BACE2: variants seen among roughly 807,000 people sequenced by gnomAD.
The protein encoded by BACE2 is 56 kDa aspartic-like protease.
BACE2 carries 17 observed loss-of-function variants against 46.2 expected under a neutral mutation model. The observed-to-expected ratio is 0.37, with a 90% CI of 0.25 to 0.55. The LOEUF is 0.55. BACE2 is among the 20% of genes least tolerant of loss of function. BACE2 has a pLI of 0.82. For synonymous variants in BACE2, 277 were observed against 295.9 expected, an observed-to-expected ratio of 0.94 and a Z score of 0.66; for missense variants, 595 against 698.1, an observed-to-expected ratio of 0.85 and a Z score of 1.66.
chr21:41,241,863 A>G lies in BACE2; in HGVS notation c.663A>G (p.Gln221=), dbSNP rs1432768337. The change falls in exon 4 of 9, where the codon CAA becomes CAG. Residue 221 remains glutamine, a synonymous_variant. Coordinates refer to ENST00000330333, the MANE Select transcript of BACE2 (RefSeq NM_012105.5). ...CCTTCTTCGACTCCCTGGTGACACA[A>G]GCAAACATCCCCAACGTTTTCTCCA... The part of the protein sequence containing the change: ...LETFFDSLVT[Q]ANIPNVFSMQ... 2 of 1,614,124 alleles carry G rather than the reference A, an allele frequency of 1.2e-6. No individual in the cohort carries two copies. Among genetic ancestry groups the G allele is most frequent in the Non-Finnish European group, 1.7e-6 (2 of 1,180,002 alleles).
intron 2 of BACE2, among the ~76,000 whole-genome samples, chr21:41,227,042 C>T (rs1403028840): frequency 1.3e-5 from 2 of 152,176 alleles, no homozygotes; most frequent in African/African-American, 4.8e-5. Context: ...GTGGGGAGGC[C>T]CCCAGCGGCT....
At chr21:41,246,161 G>A (rs376756327) in intron 6 of BACE2, 98 bp downstream of exon 6, 17 of 788,598 alleles carry the variant, frequency 2.2e-5, no homozygotes, top group South Asian at 1.9e-4. Context: ...GAACTATTGC[G>A]CCATGTATTT....
intron 1 of BACE2, among the ~76,000 whole-genome samples, chr21:41,192,860 T>C (rs990265197): frequency 6.6e-6 from 1 of 152,238 alleles, no homozygotes; most frequent in African/African-American, 2.4e-5. Flanking sequence ...CAGATAGGCA[T>C]TGTGCTCTTT....
rs1321892601 is a variant in BACE2, at chr21:41,241,809, C to T, written c.619-10C>T. The T allele has an allele frequency of 1.2e-6, 2 of 1,613,848 alleles. No individual in the cohort carries two copies. Among genetic ancestry groups the T allele is most frequent in the African/African-American group, 2.7e-5 (2 of 74,902 alleles). ...CTAAGCGGGTGCCCCTCTCTGTCGC[C>T]CTCCCGCAGCCATCAAGTTCTCTGG... is the stretch of plus-strand genomic sequence containing the variant. On this transcript the variant is annotated splice_polypyrimidine_tract_variant and intron_variant, in intron 3 of 8. Transcript: ENST00000330333.
At position 41,275,484 on chromosome 21, in the gene BACE2, T is replaced by A; in HGVS notation, c.1417T>A (p.Tyr473Asn). 1 of 1,614,174 alleles carries A rather than the reference T, an allele frequency of 6.2e-7. No homozygotes were observed. Among genetic ancestry groups the A allele is most frequent in the South Asian group, 1.1e-5 (1 of 91,080 alleles). The part of the protein sequence containing the change: ...LSEPILWIVS[Y>N]ALMSVCGAIL... ...CGAGCCCATTTTGTGGATTGTGTCC[T>A]ATGCGCTCATGAGCGTCTGTGGAGC... Residue 473 changes from tyrosine to asparagine, a missense_variant, in exon 9 of 9, where the codon TAT becomes AAT. By Grantham distance (143) the Tyr-to-Asn change is moderately radical. Around this residue, in one of 3 missense-constraint regions of BACE2, gnomAD observed 343 missense variants for 419.4 expected, o/e 0.82. Coordinates refer to ENST00000330333, the MANE Select transcript of BACE2 (RefSeq NM_012105.5).
At chr21:41,226,458 A>AG in intron 2 of BACE2, 104 bp downstream of exon 2, 1 of 996,578 alleles carries the variant, frequency 1.0e-6, no homozygotes, top group Non-Finnish European at 1.6e-6. Context: ...TTTCATTTTA[A>AG]GGGGGATACC....
At chr21:41,180,152 A>G in intron 1 of BACE2, 2 of 181,572 alleles carry the variant, frequency 1.1e-5, no homozygotes, top group East Asian at 1.7e-4. Flanking sequence ...TTATGCAGAC[A>G]TTTCCAGGGT....
chr21:41,217,411 T>C (rs534585867), intron 1 of BACE2, among the ~76,000 whole-genome samples: 1 of 152,366 alleles, frequency 6.6e-6, no homozygotes, highest in African/African-American at 2.4e-5. Context: ...GTTTGTTTTC[T>C]GTCTCTCCTT....
chr21:41,222,587 G>A (rs1986692069), intron 1 of BACE2, among the ~76,000 whole-genome samples: 1 of 152,234 alleles, frequency 6.6e-6, no homozygotes, highest in Admixed American at 6.5e-5. Flanking sequence ...CAGGCCATGT[G>A]AGGACTTCGC....
At chr21:41,183,114 A>G (rs1487314037) in intron 1 of BACE2, 1 of 166,730 alleles carries the variant, frequency 6.0e-6, no homozygotes, top group Non-Finnish European at 1.5e-5. Flanking sequence ...ATTTTAAACC[A>G]CACATTAAGC....
chr21:41,207,352 T>C (rs1986160696), intron 1 of BACE2, among the ~76,000 whole-genome samples: 1 of 152,232 alleles, frequency 6.6e-6, no homozygotes, highest in East Asian at 1.9e-4. Context: ...CTTTTGTCCT[T>C]TTTAATAGTT....
rs533994086 is a variant in BACE2 at position 41,172,981 on chromosome 21, C to T, written c.312+4406C>T. ...TTGGCCGCATGACTCCAATCTCTCC[C>T]CTCCATGTAAGTTTCTGTGGCCAAA... On this transcript the variant is annotated intron_variant, in intron 1 of 8. Coordinates refer to ENST00000330333, the MANE Select transcript of BACE2 (RefSeq NM_012105.5). Among the ~76,000 whole-genome samples, 12 of 152,282 alleles carry T rather than the reference C, an allele frequency of 7.9e-5. No individual in the cohort carries two copies. The East Asian group carries it at 2.3e-3, about 29-fold the overall frequency.
At chr21:41,238,516 C>T (rs373307485) in intron 3 of BACE2, among the ~76,000 whole-genome samples, 3 of 152,120 alleles carry the variant, frequency 2.0e-5, no homozygotes, top group South Asian at 2.1e-4. Flanking sequence ...ATGTTTATTG[C>T]GGCATTATTC....
At chr21:41,220,002 G>A (rs1040111806) in intron 1 of BACE2, among the ~76,000 whole-genome samples, 1 of 152,312 alleles carries the variant, frequency 6.6e-6, no homozygotes, top group African/African-American at 2.4e-5. Flanking sequence ...CATGCCAGTT[G>A]CGAGCTCCGG....
intron 1 of BACE2, chr21:41,176,136 TATC>T (rs540238272): frequency 6.6e-6 from 1 of 152,228 alleles, no homozygotes; most frequent in Non-Finnish European, 1.5e-5. Context: ...CAGTCAATGA[TATC>T]ATCTATTTCA....
chr21:41,171,285 G>A (rs1227804574), intron 1 of BACE2, among the ~76,000 whole-genome samples: 1 of 152,252 alleles, frequency 6.6e-6, no homozygotes, highest in East Asian at 1.9e-4. Context: ...GTGTGCACGG[G>A]AGAGGCCTTG....
chr21:41,221,864 A>G (rs542633161), intron 1 of BACE2, among the ~76,000 whole-genome samples: 64 of 149,482 alleles, frequency 4.3e-4, no homozygotes, highest in African/African-American at 1.3e-3. Context: ...GTCAGTGTCT[A>G]CTGTGTGCCT....
intron 1 of BACE2, among the ~76,000 whole-genome samples, chr21:41,212,835 C>G (rs530913388): frequency 6.6e-6 from 1 of 152,292 alleles, no homozygotes; most frequent in Non-Finnish European, 1.5e-5. Flanking sequence ...GCTGTCTTCT[C>G]GCTTCTAGCT....
At chr21:41,243,538 C>G in intron 5 of BACE2, 28 bp downstream of exon 5, 1 of 1,587,270 alleles carries the variant, frequency 6.3e-7, no homozygotes. Flanking sequence ...TCTGTTGTGT[C>G]TTTCTGTGTA....
Sources: allele counts gnomAD v4.1 joint callset (sites outside exome capture counted in the v4.1 genomes callset), GRCh38; gene constraint gnomAD v4.1.1; regional missense constraint gnomAD v4.1.1; transcripts MANE v1.5; gene names NCBI Gene and HGNC (gene_info 2026-07-23, HGNC 2026-07-21).